Variants in GRIK3 observed in about 807,000 individuals in gnomAD.
GRIK3 encodes the protein glutamate receptor ionotropic, kainate 3.
GRIK3 carries 29 observed loss-of-function variants against 102.5 expected under a neutral mutation model. That is an observed-to-expected ratio of 0.28 (90% CI 0.21 to 0.39). The LOEUF (loss-of-function observed/expected upper bound fraction) is 0.39. Among genes scored for constraint, GRIK3 ranks in the 10% least tolerant of loss-of-function variants. The pLI is 1.00. For synonymous variants in GRIK3, 511 were observed against 504.9 expected (o/e 1.01, Z -0.16); for missense variants, 908 against 1,252.4 (o/e 0.73, Z 4.15).
chr1:36,966,498 G>T (rs1381237543), intron 1 of GRIK3, among the ~76,000 whole-genome samples: 1 of 152,142 alleles, frequency 6.6e-6, no homozygotes, highest in East Asian at 1.9e-4. Flanking sequence ...GCTTGGCTAA[G>T]GCTGAGGATG....
chr1:37,030,653 A>G (rs528410365), intron 1 of GRIK3, among the ~76,000 whole-genome samples: 1 of 151,110 alleles, frequency 6.6e-6, no homozygotes, highest in East Asian at 2.0e-4. Flanking sequence ...CTCAACACAC[A>G]GAAGAGCTGG....
chr1:36,856,552 C>T (rs1414695451), intron 7 of GRIK3, among the ~76,000 whole-genome samples: 4 of 152,158 alleles, frequency 2.6e-5, no homozygotes, highest in Admixed American at 6.5e-5. Flanking sequence ...AATGGTCTGA[C>T]GGAGGACTGT....
intron 1 of GRIK3, among the ~76,000 whole-genome samples, chr1:36,976,307 A>C (rs1299097961): frequency 6.6e-6 from 1 of 152,148 alleles, no homozygotes; most frequent in East Asian, 1.9e-4. Context: ...CCAAGACAGG[A>C]GGTCCTACAG....
chr1:37,030,761 TA>T (rs1642818889), intron 1 of GRIK3, among the ~76,000 whole-genome samples: 1 of 151,974 alleles, frequency 6.6e-6, no homozygotes, highest in African/African-American at 2.4e-5. Flanking sequence ...AGGAGAGAAC[TA>T]ACCATGAAAC....
chr1:36,841,496 A>G (rs1309019527), intron 10 of GRIK3, among the ~76,000 whole-genome samples: 1 of 152,212 alleles, frequency 6.6e-6, no homozygotes, highest in Non-Finnish European at 1.5e-5. Context: ...GATGGAGGCC[A>G]GTGCATCTGT....
At chr1:36,882,716 C>T (rs559634853) in intron 2 of GRIK3, among the ~76,000 whole-genome samples, 1 of 152,272 alleles carries the variant, frequency 6.6e-6, no homozygotes, top group South Asian at 2.1e-4. Flanking sequence ...TTTAAGTGAA[C>T]CTTCAAGGAA....
chr1:36,960,084 ACT>A (rs1193319832), intron 1 of GRIK3, among the ~76,000 whole-genome samples: 1 of 91,378 alleles, frequency 1.1e-5, no homozygotes, highest in African/African-American at 3.7e-5. Flanking sequence ...GTGCCCCATG[ACT>A]CTGTGCCCCA....
At chr1:36,854,999 G>A (rs894571935) in intron 7 of GRIK3, among the ~76,000 whole-genome samples, 1 of 152,192 alleles carries the variant, frequency 6.6e-6, no homozygotes, top group Non-Finnish European at 1.5e-5. Flanking sequence ...AACTTAGGAC[G>A]GCAGCTGGTG....
intron 1 of GRIK3, among the ~76,000 whole-genome samples, chr1:36,895,951 A>G (rs1387326366): frequency 6.6e-6 from 1 of 152,228 alleles, no homozygotes; most frequent in Non-Finnish European, 1.5e-5. Flanking sequence ...GAAACCATGC[A>G]AGCAAGAAGA....
chr1:36,994,889 G>A (rs1183719067), intron 1 of GRIK3, among the ~76,000 whole-genome samples: 2 of 152,172 alleles, frequency 1.3e-5, no homozygotes, highest in Admixed American at 1.3e-4. Flanking sequence ...TTCTGAACCT[G>A]CATTGGGAAT....
chr1:36,925,838 CA>C (rs1641521536), intron 1 of GRIK3, among the ~76,000 whole-genome samples: 1 of 152,206 alleles, frequency 6.6e-6, no homozygotes. Context: ...GAACCTTGAA[CA>C]TTACCAATTA....
At position 37,034,194 on chromosome 1, in the gene GRIK3, C is replaced by G. The variant is rs1415764737; in HGVS notation, c.-86G>C. The G allele has an allele frequency of 5.7e-6, 2 of 351,138 alleles. No individual in the cohort carries two copies. The highest frequency in any genetic ancestry group is 9.5e-6 in the Non-Finnish European group (2 of 209,842). 21.8% of individuals were successfully genotyped at this position (351,138 alleles called of 1,614,324 possible). A position where few individuals can be genotyped will look rare whatever the true frequency, so the allele number is the denominator to read the frequency against. On this transcript the variant is annotated 5_prime_UTR_variant, in exon 1 of 16. Transcript: ENST00000373091. Reference sequence around the variant, plus strand: ...TCTAGGCGCGGGCGCGCAGCAGCCCCGAAGGCGCCGCCTGGCCCAGCCGCC... The same window carrying G: ...TCTAGGCGCGGGCGCGCAGCAGCCCGGAAGGCGCCGCCTGGCCCAGCCGCC...
At position 36,947,914 on chromosome 1, in the gene GRIK3, C is replaced by T. The variant is rs72919521; in HGVS notation, c.116-56818G>A. Reference sequence around the variant, plus strand: ...ATCAGCGATGGTTCATGGCCATCTCCGTGGGTCACCCTCACTCTCTACACT... The same window carrying T: ...ATCAGCGATGGTTCATGGCCATCTCTGTGGGTCACCCTCACTCTCTACACT... On this transcript the variant is annotated intron_variant, in intron 1 of 15. Transcript: ENST00000373091. Among the ~76,000 whole-genome samples the T allele has an allele frequency of 8.2e-3, 1,241 of 152,190 alleles. 18 individuals are homozygous for T. The highest frequency in any genetic ancestry group is 0.048 in the South Asian group (230 of 4,812).
intron 1 of GRIK3, among the ~76,000 whole-genome samples, chr1:37,031,251 C>T (rs763283704): frequency 6.6e-6 from 1 of 152,156 alleles, no homozygotes; most frequent in Non-Finnish European, 1.5e-5. Context: ...CATTTTTTCT[C>T]GCAGACTACA....
chr1:37,013,072 C>T (rs1642614473), intron 1 of GRIK3, among the ~76,000 whole-genome samples: 1 of 152,084 alleles, frequency 6.6e-6, no homozygotes, highest in African/African-American at 2.4e-5. Context: ...CTGGGGAGGC[C>T]TCACAATCAT....
At chr1:36,977,861 C>T (rs1642211044) in intron 1 of GRIK3, among the ~76,000 whole-genome samples, 1 of 152,218 alleles carries the variant, frequency 6.6e-6, no homozygotes, top group South Asian at 2.1e-4. Flanking sequence ...ACAGAGTCCA[C>T]CCACTGCCAG....
rs1186035598 is a variant in GRIK3, at chr1:36,806,221, C to T, written c.2197G>A (p.Asp733Asn). 9.9e-6 allele frequency: 16 copies of T among 1,614,002 alleles called. No individual in the cohort carries two copies. In the Middle Eastern group the frequency reaches 4.9e-4, roughly 50 times the overall value. Residue 733 changes from aspartate (D) to asparagine (N), a missense_variant, in exon 14 of 16, where the codon GAC (aspartate) becomes AAC (asparagine). By Grantham distance (23) the Asp-to-Asn change is conservative. Around this residue, in one of 3 missense-constraint regions of GRIK3, gnomAD observed 297 missense variants for 362.7 expected, o/e 0.82. Coordinates refer to ENST00000373091, the MANE Select transcript of GRIK3 (RefSeq NM_000831.4). This position sits in a 1 kb window ranked among gnomAD's most constrained non-coding sequence, Gnocchi z 4.0. ...EEGIQRALTADYALLMESTTI... is the reference protein window; with the variant it reads ...EEGIQRALTANYALLMESTTI... ...GTGGACTCCATGAGCAGCGCGTAGT[C>T]GGCCGTCAGGGCCCTCTGGATGCCC...
intron 1 of GRIK3, among the ~76,000 whole-genome samples, chr1:36,897,110 C>T (rs1486668714): frequency 3.9e-5 from 6 of 152,142 alleles, no homozygotes; most frequent in Non-Finnish European, 7.4e-5. Flanking sequence ...TTCACTTTCA[C>T]CACTTCTATT....
intron 10 of GRIK3, among the ~76,000 whole-genome samples, chr1:36,837,342 G>A (rs1640391521): frequency 6.6e-6 from 1 of 152,158 alleles, no homozygotes. Context: ...GGCTTTTGAT[G>A]TGAGCAGGAC....
Sources: allele counts gnomAD v4.1 joint callset (sites outside exome capture counted in the v4.1 genomes callset), GRCh38; gene constraint gnomAD v4.1.1; regional missense constraint gnomAD v4.1.1; non-coding constraint Gnocchi (gnomAD v3.1); transcripts MANE v1.5; gene names NCBI Gene and HGNC (gene_info 2026-07-23, HGNC 2026-07-21).